Variants in TBC1D2 observed in about 807,000 individuals in gnomAD.
The protein encoded by TBC1D2 is TBC1 domain family member 2A.
In TBC1D2, 58 loss-of-function variants were observed where a neutral mutation model predicts 91.1. That is an observed-to-expected ratio of 0.64 (90% CI 0.52 to 0.79). The LOEUF is 0.79. Among genes scored for constraint, TBC1D2 ranks in the 30% least tolerant of loss-of-function variants. The pLI is 0.00. For synonymous variants in TBC1D2, 482 were observed against 511.5 expected (o/e 0.94, Z 0.78); for missense variants, 1,080 against 1,208.3 (o/e 0.89, Z 1.57).
Position 98,199,202 on chromosome 9 carries a change from C to T in TBC1D2, c.*179G>A. 1 of 706,104 alleles carries T rather than the reference C, an allele frequency of 1.4e-6. No individual in the cohort carries two copies. The highest frequency in any genetic ancestry group is 2.4e-6 in the Non-Finnish European group (1 of 424,290). The allele number at this position is 706,104 out of a possible 1,614,324, so 43.7% of individuals were successfully genotyped here. On this transcript the variant is annotated 3_prime_UTR_variant, in exon 13 of 13. Coordinates refer to ENST00000465784, the MANE Select transcript of TBC1D2 (RefSeq NM_001267571.2). The stretch of plus-strand genomic sequence containing the variant: ...AGTGCCTATGAAGAAGTAGCCCAAC[C>T]AATGGCTTTGCAGCACACAATGTCC...
chr9:98,238,095 G>A lies in TBC1D2; in HGVS notation c.648-4546C>T, dbSNP rs184605210. 6.0e-3 allele frequency among the ~76,000 whole-genome samples: 806 copies of A among 135,340 alleles called. 56 individuals carry two copies. The highest frequency in any genetic ancestry group is 8.4e-3 in the South Asian group (40 of 4,738). 88.8% of individuals were successfully genotyped at this position (135,340 alleles called of 152,430 possible). ...ATTTTTGTATTTTTAGTAGAGACGG[G>A]ATTTTACCATGTTAGCTAGGCTGGT... On this transcript the variant is annotated intron_variant, in intron 3 of 12. Coordinates refer to ENST00000465784, the MANE Select transcript of TBC1D2 (RefSeq NM_001267571.2).
rs1280697700 is a variant in TBC1D2, at chr9:98,232,389, G to A, written c.781+1027C>T. On this transcript the variant is annotated intron_variant, in intron 4 of 12. Transcript: ENST00000465784. ...CACTCTGTCACCCATGCATGATCAC[G>A]GCTCACTGCAGCCTCGACCTCCCTG... 2.3e-5 allele frequency among the ~76,000 whole-genome samples: 3 copies of A among 132,562 alleles called. 1 individual carries two copies. Among genetic ancestry groups the A allele is most frequent in the African/African-American group, 9.3e-5 (3 of 32,200 alleles). The allele number at this position is 132,562 out of a possible 152,430, so 87.0% of individuals were successfully genotyped here. A position where few individuals can be genotyped will look rare whatever the true frequency, so the allele number is the denominator to read the frequency against.
chr9:98,241,277 A>AACCATGTGATGATTAAGTCAT (rs1360590048), intron 3 of TBC1D2, among the ~76,000 whole-genome samples: 2 of 152,334 alleles, frequency 1.3e-5, no homozygotes, highest in Non-Finnish European at 2.9e-5. Context: ...TTGAGGACTT[A>AACCATGTGATGATTAAGTCAT]ACCATGTGAT....
chr9:98,247,170 T>C (rs1829780950), intron 2 of TBC1D2, among the ~76,000 whole-genome samples: 1 of 150,756 alleles, frequency 6.6e-6, no homozygotes, highest in Admixed American at 6.6e-5. Context: ...CTACTAAAAA[T>C]ACAAAAACAA....
intron 6 of TBC1D2, among the ~76,000 whole-genome samples, chr9:98,216,265 CCTCA>C (rs1828967367): frequency 6.6e-6 from 1 of 152,204 alleles, no homozygotes; most frequent in South Asian, 2.1e-4. Context: ...GCATCGTCTC[CCTCA>C]CTGAGTTTGC....
chr9:98,236,042 G>C (rs1229904819), intron 3 of TBC1D2, among the ~76,000 whole-genome samples: 2 of 146,278 alleles, frequency 1.4e-5, no homozygotes, highest in Admixed American at 1.4e-4. Context: ...TCTCAAAAGA[G>C]GAAAAAAAAA....
chr9:98,234,014 C>T (rs1479335974), intron 3 of TBC1D2, among the ~76,000 whole-genome samples: 1 of 152,192 alleles, frequency 6.6e-6, no homozygotes, highest in African/African-American at 2.4e-5. Flanking sequence ...CCATCAGTGG[C>T]TCCCGACTTC....
In TBC1D2 at chr9:98,201,572, G is replaced by A; in HGVS notation, c.2364C>T (p.Val788=). The change falls in exon 11 of 13, where the codon GTC becomes GTT. Residue 788 remains valine (V), a synonymous_variant. Coordinates refer to ENST00000465784, the MANE Select transcript of TBC1D2 (RefSeq NM_001267571.2). The part of the protein sequence containing the change: ...LGQHHVDLSL[V]TFNWFLVVFA... ...AGACCACGAGGAACCAGTTGAAGGT[G>A]ACGAGGGAGAGATCCACGTGGTGCT... The A allele has an allele frequency of 6.2e-7, 1 of 1,614,180 alleles. No homozygotes were observed. The highest frequency in any genetic ancestry group is 8.5e-7 in the Non-Finnish European group (1 of 1,180,032).
rs1401145115 is a variant in TBC1D2 at position 98,199,560 on chromosome 9, T to G, written c.2608A>C (p.Met870Leu). Residue 870 changes from methionine to leucine, a missense_variant, in exon 13 of 13, where the codon ATG becomes CTG. Physicochemically the swap from Met to Leu is conservative, Grantham distance 15. Coordinates refer to ENST00000465784, the MANE Select transcript of TBC1D2 (RefSeq NM_001267571.2). ...RKLMNIAFND[M>L]NPFRMKQLRQ... is the part of the protein sequence containing the mutation. ...AGCTGTTTCATGCGGAAGGGGTTCA[T>G]GTCATTGAAGGCGATGTTCATCAGC... 1 of 1,614,054 alleles carries G rather than the reference T, an allele frequency of 6.2e-7. No individual in the cohort carries two copies. Among genetic ancestry groups the G allele is most frequent in the Non-Finnish European group, 8.5e-7 (1 of 1,180,040 alleles).
intron 6 of TBC1D2, among the ~76,000 whole-genome samples, chr9:98,214,310 G>A (rs1382985829): frequency 1.6e-5 from 1 of 62,352 alleles, no homozygotes; most frequent in Non-Finnish European, 2.9e-5. Context: ...AAGCGATGCT[G>A]CAGCAAGGAT....
intron 6 of TBC1D2, among the ~76,000 whole-genome samples, chr9:98,214,923 A>G (rs1588038986): frequency 6.6e-6 from 1 of 151,206 alleles, no homozygotes; most frequent in Non-Finnish European, 1.5e-5. Context: ...AACCCAGGCC[A>G]CCCCTGCTTT....
At chr9:98,250,981 A>G (rs1246535734) in intron 2 of TBC1D2, among the ~76,000 whole-genome samples, 1 of 152,132 alleles carries the variant, frequency 6.6e-6, no homozygotes, top group Non-Finnish European at 1.5e-5. Context: ...TTATGGGAAC[A>G]CCAGCGATAA....
At chr9:98,247,187 C>G (rs76071538) in intron 2 of TBC1D2, among the ~76,000 whole-genome samples, 1 of 151,718 alleles carries the variant, frequency 6.6e-6, no homozygotes, top group African/African-American at 2.4e-5. Flanking sequence ...ACAAACTGGG[C>G]GTGGTGACGT....
Position 98,229,936 on chromosome 9 carries a change from G to A in TBC1D2, c.782-788C>T, listed in dbSNP as rs139986328. Among the ~76,000 whole-genome samples the A allele has an allele frequency of 3.1e-3, 474 of 152,288 alleles. 2 individuals are homozygous for A. Among genetic ancestry groups the A allele is most frequent in the African/African-American group, 5.9e-3 (244 of 41,554 alleles). On this transcript the variant is annotated intron_variant, in intron 4 of 12. Coordinates refer to ENST00000465784, the MANE Select transcript of TBC1D2 (RefSeq NM_001267571.2). ...CCTATGGCCCACAAAGCCTCGAATC[G>A]TTACTATCTTGCTCTTTACAAAAAA... is the stretch of plus-strand genomic sequence containing the variant.
chr9:98,247,537 G>A (rs533142388), intron 2 of TBC1D2, among the ~76,000 whole-genome samples: 2 of 152,046 alleles, frequency 1.3e-5, no homozygotes, highest in South Asian at 4.2e-4. Flanking sequence ...GACCATCCCA[G>A]GTAACACAGT....
chr9:98,237,884 T>G (rs1305660598), intron 3 of TBC1D2, among the ~76,000 whole-genome samples: 1 of 150,668 alleles, frequency 6.6e-6, no homozygotes, highest in East Asian at 2.0e-4. Flanking sequence ...TTAACAATAT[T>G]AAGTCTTTTT....
chr9:98,251,589 A>T (rs1395918263), intron 2 of TBC1D2, among the ~76,000 whole-genome samples, 196 bp downstream of exon 2: 1 of 152,218 alleles, frequency 6.6e-6, no homozygotes, highest in African/African-American at 2.4e-5. Flanking sequence ...CAACTTGCCT[A>T]AAGTTATATA....
chr9:98,248,140 T>C (rs1156263225), intron 2 of TBC1D2, among the ~76,000 whole-genome samples: 1 of 152,246 alleles, frequency 6.6e-6, no homozygotes, highest in South Asian at 2.1e-4. Flanking sequence ...TCCCTACTTT[T>C]GCTTTTCCCA....
In TBC1D2 at chr9:98,233,337, G is replaced by T. The variant is rs189743637; in HGVS notation, c.781+79C>A. 3.2e-4 allele frequency: 490 copies of T among 1,520,878 alleles called. 2 individuals carry two copies. The East Asian group carries it at 9.5e-3, about 29-fold the overall frequency. The allele number at this position is 1,520,878 out of a possible 1,614,324, so 94.2% of individuals were successfully genotyped here. A position where few individuals can be genotyped will look rare whatever the true frequency, so the allele number is the denominator to read the frequency against. ...CACACAAAAGCACAAATGCTGGTTC[G>T]CTGGAAGGAAAGAAGGCACTTGTGC... is the stretch of plus-strand genomic sequence containing the variant. On this transcript the variant is annotated intron_variant, in intron 4 of 12. Coordinates refer to ENST00000465784, the MANE Select transcript of TBC1D2 (RefSeq NM_001267571.2).
Sources: gnomAD v4.1 joint callset for allele counts (sites outside exome capture counted in the v4.1 genomes callset) on GRCh38, gnomAD v4.1.1 for gene constraint, MANE v1.5 for transcripts, NCBI Gene and HGNC (gene_info 2026-07-23, HGNC 2026-07-21) for gene names.